Variants in DNAH14 observed in about 807,000 individuals in gnomAD.
DNAH14 encodes dynein axonemal heavy chain 14, also known as axonemal beta dynein heavy chain 14.
DNAH14 carries 478 observed loss-of-function variants against 520.9 expected under a neutral mutation model. The ratio of observed to expected loss-of-function variants is 0.92; its 90% confidence interval spans 0.85 to 0.99. The LOEUF is 0.99. Ranked by LOEUF, DNAH14 falls within the 50% of genes least tolerant of loss-of-function variation. The probability of loss-of-function intolerance (pLI) is 0.00; values close to 1 mark genes in which losing one functional copy is unlikely to be tolerated. For missense variants in DNAH14, 4,831 were observed against 5,234.5 expected (o/e 0.92, Z 2.38); for synonymous variants, 1,581 against 1,757.2 (o/e 0.90, Z 2.51).
chr1:224,969,798 A>T (rs1035299837), intron 7 of DNAH14: 2 of 158,540 alleles, frequency 1.3e-5, no homozygotes, highest in African/African-American at 4.8e-5. Context: ...GATTTCATGG[A>T]TACTTATCAC....
Position 225,206,549 on chromosome 1 carries a change from G to A in DNAH14, c.6186+370G>A, listed in dbSNP as rs537318519. On this transcript the variant is annotated intron_variant, in intron 40 of 85. Coordinates refer to ENST00000682510, the MANE Select transcript of DNAH14 (RefSeq NM_001367479.1). ...GGGAAACACACTATGAAGACAGTGG[G>A]AGGGAAGTACAAAATATAACATGAA... Among the ~76,000 whole-genome samples the A allele has an allele frequency of 7.2e-4, 109 of 152,272 alleles. 1 individual carries two copies. Among genetic ancestry groups the A allele is most frequent in the African/African-American group, 2.6e-3 (106 of 41,560 alleles).
intron 41 of DNAH14, among the ~76,000 whole-genome samples, chr1:225,210,305 G>A (rs75170740): frequency 6.6e-6 from 1 of 152,080 alleles, no homozygotes; most frequent in Non-Finnish European, 1.5e-5. Flanking sequence ...GTTTACCTGG[G>A]ACTCTCGAGC....
chr1:225,184,249 C>A (rs1034819325), intron 36 of DNAH14, among the ~76,000 whole-genome samples: 4 of 152,098 alleles, frequency 2.6e-5, no homozygotes, highest in African/African-American at 9.7e-5. Context: ...GATCAAGAAG[C>A]CTTGATTCCT....
intron 1 of DNAH14, among the ~76,000 whole-genome samples, chr1:224,941,885 A>C (rs112402778): frequency 0.055 from 8,381 of 152,258 alleles, 470 homozygotes; most frequent in East Asian, 0.24. Flanking sequence ...TTTTGGTACC[A>C]GTAGCATGCT....
chr1:225,239,583 C>A (rs953867957), intron 42 of DNAH14, among the ~76,000 whole-genome samples: 2 of 152,172 alleles, frequency 1.3e-5, no homozygotes, highest in African/African-American at 4.8e-5. Flanking sequence ...GCTTTCATTC[C>A]TCTTTGTGAG....
chr1:224,965,259 A>G (rs2061091381), intron 5 of DNAH14, among the ~76,000 whole-genome samples: 1 of 152,104 alleles, frequency 6.6e-6, no homozygotes, highest in Non-Finnish European at 1.5e-5. Context: ...GGCAAGCAAC[A>G]CTGGAATCAC....
intron 28 of DNAH14, among the ~76,000 whole-genome samples, 180 bp from the exon 29 acceptor site, chr1:225,144,217 C>T (rs2079711573): frequency 6.6e-6 from 1 of 152,140 alleles, no homozygotes; most frequent in African/African-American, 2.4e-5. Flanking sequence ...CTATTTCATA[C>T]CTAATATGAT....
chr1:225,160,354 A>G (rs756559211), intron 35 of DNAH14, among the ~76,000 whole-genome samples: 5 of 152,184 alleles, frequency 3.3e-5, no homozygotes, highest in Admixed American at 1.3e-4. Flanking sequence ...ACCACTTCAT[A>G]ATTATTTGTT....
chr1:224,940,832 T>C (rs964980849), intron 1 of DNAH14, among the ~76,000 whole-genome samples: 4 of 152,212 alleles, frequency 2.6e-5, no homozygotes, highest in South Asian at 2.1e-4. Context: ...TCTATGTCCC[T>C]ACAAAGGACA....
intron 17 of DNAH14, among the ~76,000 whole-genome samples, chr1:225,078,670 G>A (rs575191910): frequency 2.1e-4 from 32 of 152,236 alleles, no homozygotes; most frequent in Admixed American, 7.2e-4. Flanking sequence ...GGTGAGAGGT[G>A]ATTGAATCAT....
At chr1:225,084,424 G>C (rs576247537) in intron 20 of DNAH14, among the ~76,000 whole-genome samples, 1 of 152,100 alleles carries the variant, frequency 6.6e-6, no homozygotes, top group Admixed American at 6.5e-5. Context: ...CAGAGGTGGT[G>C]GTCATGCTGC....
intron 21 of DNAH14, among the ~76,000 whole-genome samples, chr1:225,089,357 T>A (rs1290868018): frequency 1.4e-5 from 2 of 146,770 alleles, no homozygotes; most frequent in East Asian, 2.0e-4. Flanking sequence ...GGCAGGAGAA[T>A]CGCTTGAAGC....
chr1:225,373,381 CT>C (rs2095643619), intron 77 of DNAH14, among the ~76,000 whole-genome samples: 1 of 150,622 alleles, frequency 6.6e-6, no homozygotes, highest in Non-Finnish European at 1.5e-5. Flanking sequence ...AGGAGAATCG[CT>C]TGAACCCGGG....
chr1:225,387,515 G>T (rs2095855775), intron 81 of DNAH14, among the ~76,000 whole-genome samples: 1 of 152,190 alleles, frequency 6.6e-6, no homozygotes, highest in Non-Finnish European at 1.5e-5. Context: ...AAAGTAGCAA[G>T]AGAAGAGGGC....
chr1:225,377,205 AG>A, intron 78 of DNAH14, 31 bp from the exon 79 acceptor site: 2 of 1,403,734 alleles, frequency 1.4e-6, no homozygotes. Context: ...GCAGGATTGA[AG>A]AAAAAAGCTA....
In DNAH14 at chr1:225,277,191, A is replaced by G. The variant is rs895033972; in HGVS notation, c.8179-219A>G. ...TTCATTCTCTTCTCTCAATTCTACC[A>G]CCACCCTTCTAATCTACTCACAAGA... On this transcript the variant is annotated intron_variant, in intron 53 of 85. Transcript: ENST00000682510. Among the ~76,000 whole-genome samples the G allele has an allele frequency of 1.1e-4, 16 of 151,626 alleles. 1 individual carries two copies. The highest frequency in any genetic ancestry group is 3.6e-4 in the African/African-American group (15 of 41,294).
intron 8 of DNAH14, among the ~76,000 whole-genome samples, chr1:224,998,542 A>T (rs1245802600): frequency 2.0e-5 from 3 of 152,042 alleles, no homozygotes; most frequent in Non-Finnish European, 4.4e-5. Flanking sequence ...GTTTTGTTCA[A>T]TTTCCAGTGT....
chr1:225,017,815 G>T (rs1211813695), intron 10 of DNAH14, among the ~76,000 whole-genome samples: 1 of 152,158 alleles, frequency 6.6e-6, no homozygotes, highest in Non-Finnish European at 1.5e-5. Flanking sequence ...GTGAGAGTTG[G>T]CCCACTGAAA....
intron 10 of DNAH14, among the ~76,000 whole-genome samples, chr1:225,014,480 G>A (rs570009629): frequency 1.5e-4 from 22 of 151,624 alleles, no homozygotes; most frequent in Admixed American, 2.0e-4. Flanking sequence ...TGCTTTTGCC[G>A]TGTCCTATAG....
Sources: allele counts gnomAD v4.1 joint callset (sites outside exome capture counted in the v4.1 genomes callset), GRCh38; gene constraint gnomAD v4.1.1; transcripts MANE v1.5; gene names NCBI Gene and HGNC (gene_info 2026-07-23, HGNC 2026-07-21).